Variants in DIPK1A observed in about 807,000 individuals in gnomAD.
DIPK1A encodes the protein family with sequence similarity 69 member A.
A neutral mutation model predicts 40.8 loss-of-function variants in DIPK1A; 27 were observed. The observed-to-expected ratio is 0.66, with a 90% CI of 0.49 to 0.91. The LOEUF (loss-of-function observed/expected upper bound fraction) is 0.91. Among genes scored for constraint, DIPK1A ranks in the 40% least tolerant of loss-of-function variants. DIPK1A has a pLI of 0.00. For missense variants in DIPK1A, 412 were observed against 505.7 expected, an observed-to-expected ratio of 0.81 and a Z score of 1.78; for synonymous variants, 166 against 171.3, an observed-to-expected ratio of 0.97 and a Z score of 0.24.
At chr1:92,930,072 A>G (rs910634430) in intron 1 of DIPK1A, among the ~76,000 whole-genome samples, 5 of 152,190 alleles carry the variant, frequency 3.3e-5, no homozygotes, top group African/African-American at 1.2e-4. Flanking sequence ...GTCACTGGTC[A>G]TCTTCTCCCT....
intron 2 of DIPK1A, among the ~76,000 whole-genome samples, chr1:92,855,322 A>T (rs955514631): frequency 5.3e-5 from 8 of 152,118 alleles, no homozygotes; most frequent in Non-Finnish European, 1.2e-4. Context: ...CGCAATGACG[A>T]AAAAACCAAG....
chr1:92,954,310 A>T (rs1012277418), intron 1 of DIPK1A, among the ~76,000 whole-genome samples: 1 of 150,922 alleles, frequency 6.6e-6, no homozygotes, highest in Non-Finnish European at 1.5e-5. Flanking sequence ...AAAAAAAAAA[A>T]TAAATAAATA....
chr1:92,856,440 C>T (rs897336694), intron 2 of DIPK1A, among the ~76,000 whole-genome samples: 3 of 151,966 alleles, frequency 2.0e-5, no homozygotes, highest in Admixed American at 6.6e-5. Context: ...TTTTTTGAGA[C>T]GGAGTTTCCT....
Position 92,842,694 on chromosome 1 carries a change from C to T in DIPK1A, c.*689G>A. The T allele has an allele frequency of 3.0e-6, 3 of 985,424 alleles. No homozygotes were observed. Among genetic ancestry groups the T allele is most frequent in the Non-Finnish European group, 3.6e-6 (3 of 829,934 alleles). 61.0% of individuals were successfully genotyped at this position (985,424 alleles called of 1,614,324 possible). ...AGATGTCAGTTTTGAAGGGCTCAGT[C>T]AGCTGCGTGATACTAAGATGGGCCC... On this transcript the variant is annotated 3_prime_UTR_variant, in exon 5 of 5. Transcript: ENST00000370310.
intron 2 of DIPK1A, among the ~76,000 whole-genome samples, chr1:92,865,295 C>T (rs895738320): frequency 2.0e-5 from 3 of 151,278 alleles, no homozygotes; most frequent in Non-Finnish European, 2.9e-5. Flanking sequence ...CCCAGGAATT[C>T]AAGGCTGCAG....
intron 2 of DIPK1A, among the ~76,000 whole-genome samples, chr1:92,875,063 A>G (rs544695338): frequency 1.3e-5 from 2 of 151,748 alleles, no homozygotes; most frequent in South Asian, 4.2e-4. Context: ...AGACTGTAAC[A>G]CTCCTGTGGA....
chr1:92,928,754 G>A (rs1029564789), intron 1 of DIPK1A, among the ~76,000 whole-genome samples: 2 of 152,168 alleles, frequency 1.3e-5, no homozygotes, highest in Admixed American at 6.5e-5. Flanking sequence ...TTGAGCTCAG[G>A]GGTTTGAGAC....
intron 1 of DIPK1A, among the ~76,000 whole-genome samples, chr1:92,894,740 AATAG>A (rs1420005025): frequency 1.3e-5 from 2 of 152,122 alleles, no homozygotes; most frequent in Non-Finnish European, 2.9e-5. Flanking sequence ...AGATCAACAA[AATAG>A]ATAGACCGCT....
At chr1:92,898,897 C>T (rs148807503) in intron 1 of DIPK1A, among the ~76,000 whole-genome samples, 126 of 152,138 alleles carry the variant, frequency 8.3e-4, no homozygotes, top group African/African-American at 2.5e-3. Context: ...CGAGTAGCTG[C>T]GACCACAGAC....
Position 92,961,389 on chromosome 1 carries a change from G to A in DIPK1A, c.41C>T (p.Pro14Leu). The change falls in exon 1 of 5, where the codon CCC (proline) becomes CTC (leucine). Residue 14 changes from proline (P) to leucine (L), a missense_variant. Transcript: ENST00000370310. ...SLCPGAWLRK[P>L]YYLQARFSYV... ...CCGCCGGCCTACCTGGAGGTAATAG[G>A]GTTTCCTTAGCCAGGCCCCCGGACA... The A allele has an allele frequency of 1.3e-6, 2 of 1,529,196 alleles. No individual in the cohort carries two copies. Among genetic ancestry groups the A allele is most frequent in the South Asian group, 2.4e-5 (2 of 84,420 alleles). 94.7% of individuals were successfully genotyped at this position (1,529,196 alleles called of 1,614,324 possible). A position where few individuals can be genotyped will look rare whatever the true frequency, so the allele number is the denominator to read the frequency against.
chr1:92,914,530 G>A (rs1251321198), intron 1 of DIPK1A, among the ~76,000 whole-genome samples: 1 of 152,096 alleles, frequency 6.6e-6, no homozygotes, highest in Admixed American at 6.6e-5. Flanking sequence ...AGCACTTTGG[G>A]AGGCCGAGGT....
rs552841725 is a variant in DIPK1A, at chr1:92,942,976, T to C, written c.54+18400A>G. On this transcript the variant is annotated intron_variant, in intron 1 of 4. Coordinates refer to ENST00000370310, the MANE Select transcript of DIPK1A (RefSeq NM_001006605.5). ...CTGCGCCCAGCTAATTTGTTAATTATGTAATGCTTAAATAGACACTGCAGT... is the reference window on the plus strand; with the variant it reads ...CTGCGCCCAGCTAATTTGTTAATTACGTAATGCTTAAATAGACACTGCAGT... 2.6e-5 allele frequency among the ~76,000 whole-genome samples: 4 copies of C among 152,366 alleles called. No homozygotes were observed. In the South Asian group the frequency reaches 8.3e-4, roughly 32 times the overall value.
chr1:92,869,309 T>C (rs1647723169), intron 2 of DIPK1A, among the ~76,000 whole-genome samples: 1 of 151,882 alleles, frequency 6.6e-6, no homozygotes, highest in Non-Finnish European at 1.5e-5. Flanking sequence ...TACAGGTGCA[T>C]GCCACCATGC....
chr1:92,931,501 G>C (rs1443453899), intron 1 of DIPK1A: 1 of 160,398 alleles, frequency 6.2e-6, no homozygotes, highest in Non-Finnish European at 1.4e-5. Context: ...GTTGATGCAG[G>C]AGGACTGCTT....
Position 92,860,646 on chromosome 1 carries a change from A to AAAAAAAAAAAATAGCCAGGTG in DIPK1A, c.190-9692_190-9691insCACCTGGCTATTTTTTTTTTT, listed in dbSNP as rs148916481. ...TTCTACTAAAAAAAAAAAAAAAAAA[A>AAAAAAAAAAAATAGCCAGGTG]TGGTGGTGTGCACCTTAGTCCCAGC... is the stretch of plus-strand genomic sequence containing the variant. On this transcript the variant is annotated intron_variant, in intron 2 of 4. Coordinates refer to ENST00000370310, the MANE Select transcript of DIPK1A (RefSeq NM_001006605.5). 4.7e-4 allele frequency among the ~76,000 whole-genome samples: 49 copies of AAAAAAAAAAAATAGCCAGGTG among 105,204 alleles called. 7 individuals are homozygous for AAAAAAAAAAAATAGCCAGGTG. Among genetic ancestry groups the AAAAAAAAAAAATAGCCAGGTG allele is most frequent in the South Asian group, 9.6e-4 (3 of 3,110 alleles). The allele number at this position is 105,204 out of a possible 152,430, so 69.0% of individuals were successfully genotyped here.
intron 1 of DIPK1A, among the ~76,000 whole-genome samples, chr1:92,884,237 A>T (rs567560660): frequency 2.1e-4 from 32 of 152,256 alleles, no homozygotes; most frequent in African/African-American, 7.7e-4. Context: ...GCTTGAGCTC[A>T]GGAGTTTGAG....
At chr1:92,849,518 A>G (rs1228973100) in intron 3 of DIPK1A, among the ~76,000 whole-genome samples, 1 of 150,318 alleles carries the variant, frequency 6.7e-6, no homozygotes, top group Non-Finnish European at 1.5e-5. Context: ...CAGCTAATAC[A>G]TATATATTTT....
intron 1 of DIPK1A, among the ~76,000 whole-genome samples, chr1:92,945,094 G>C (rs1318497925): frequency 2.0e-5 from 3 of 152,140 alleles, no homozygotes; most frequent in Non-Finnish European, 4.4e-5. Context: ...TAGGAAGCCA[G>C]TTGTGTAGTA....
At chr1:92,961,265 G>A in intron 1 of DIPK1A, 111 bp downstream of exon 1, 1 of 693,532 alleles carries the variant, frequency 1.4e-6, no homozygotes, top group Non-Finnish European at 2.1e-6. Context: ...GCGGGGTTCG[G>A]GCGGGCACAG....
Sources: allele counts gnomAD v4.1 joint callset (sites outside exome capture counted in the v4.1 genomes callset), GRCh38; gene constraint gnomAD v4.1.1; transcripts MANE v1.5; gene names NCBI Gene and HGNC (gene_info 2026-07-23, HGNC 2026-07-21).